MAPK10: variants seen among roughly 807,000 people sequenced by gnomAD.
The protein encoded by MAPK10 is mitogen-activated protein kinase 10.
Under a neutral mutation model 59.3 loss-of-function variants are expected in MAPK10, and 25 were observed. The observed-to-expected ratio is 0.42, with a 90% CI of 0.31 to 0.59. The LOEUF (loss-of-function observed/expected upper bound fraction) is 0.59, where lower values mean the gene tolerates loss of function less well. Ranked by LOEUF, MAPK10 falls within the 20% of genes least tolerant of loss-of-function variation. MAPK10 has a pLI of 0.15. For missense variants in MAPK10, 351 were observed against 568.9 expected (o/e 0.62, Z 3.90); for synonymous variants, 190 against 200.5 (o/e 0.95, Z 0.44).
chr4:86,257,764 T>C (rs1051250406), intron 2 of MAPK10, among the ~76,000 whole-genome samples: 7 of 152,160 alleles, frequency 4.6e-5, no homozygotes, highest in South Asian at 2.1e-4. Context: ...CACATCCTCT[T>C]ATATCAGTTC....
At chr4:86,181,015 GATAA>G (rs2076818620) in intron 3 of MAPK10, among the ~76,000 whole-genome samples, 1 of 151,980 alleles carries the variant, frequency 6.6e-6, no homozygotes, top group Non-Finnish European at 1.5e-5. Flanking sequence ...ACAAAGAAGT[GATAA>G]ATGTTTGAGA....
intron 1 of MAPK10, among the ~76,000 whole-genome samples, chr4:86,516,052 T>A (rs1415301655): frequency 6.6e-6 from 1 of 152,192 alleles, no homozygotes; most frequent in African/African-American, 2.4e-5. Flanking sequence ...TTAAGTTTAT[T>A]TTTGTATAAG....
chr4:86,161,955 T>C (rs1581598277), intron 3 of MAPK10, among the ~76,000 whole-genome samples: 1 of 152,022 alleles, frequency 6.6e-6, no homozygotes, highest in Non-Finnish European at 1.5e-5. Context: ...CAATGTATAT[T>C]CAAATAAACC....
chr4:86,300,986 G>A (rs538438478), intron 2 of MAPK10: 2 of 152,006 alleles, frequency 1.3e-5, no homozygotes, highest in South Asian at 4.2e-4. Flanking sequence ...TGATTCTGAA[G>A]GGTTTTGAGC....
At chr4:86,034,583 T>TA (rs570783912) in intron 11 of MAPK10, among the ~76,000 whole-genome samples, 65 of 152,276 alleles carry the variant, frequency 4.3e-4, no homozygotes, top group African/African-American at 1.5e-3. Context: ...GCAGACTATA[T>TA]AAAAAACTGA....
At chr4:86,171,180 C>A (rs2074008124) in intron 3 of MAPK10, 1 of 151,380 alleles carries the variant, frequency 6.6e-6, no homozygotes, top group African/African-American at 2.4e-5. Context: ...AAAGCAAGAG[C>A]AAACACATTC....
At chr4:86,256,728 TTCTTTC>T (rs369270258) in intron 2 of MAPK10, among the ~76,000 whole-genome samples, 16,950 of 122,200 alleles carry the variant, frequency 0.14, 1,329 homozygotes, top group African/African-American at 0.25. Context: ...TTTCTTTTCT[TTCTTTC>T]TTTTTTTTTT....
intron 1 of MAPK10, among the ~76,000 whole-genome samples, chr4:86,448,909 T>C (rs763406232): frequency 3.9e-5 from 6 of 152,198 alleles, no homozygotes; most frequent in Non-Finnish European, 5.9e-5. Flanking sequence ...TGACAGATCA[T>C]CAGGCATTAG....
At chr4:86,133,028 C>A (rs1296583675) in intron 4 of MAPK10, among the ~76,000 whole-genome samples, 2 of 152,170 alleles carry the variant, frequency 1.3e-5, no homozygotes, top group African/African-American at 4.8e-5. Context: ...CGAAATCGGT[C>A]CCTGGTGCCA....
chr4:86,568,931 C>T (rs1761254947), intron 1 of MAPK10, among the ~76,000 whole-genome samples: 1 of 151,668 alleles, frequency 6.6e-6, no homozygotes, highest in Non-Finnish European at 1.5e-5. Flanking sequence ...ACAACAACAA[C>T]AACAAAATAG....
chr4:86,452,642 G>A (rs143784372), intron 1 of MAPK10, among the ~76,000 whole-genome samples: 3 of 152,238 alleles, frequency 2.0e-5, no homozygotes, highest in Middle Eastern at 6.8e-3. Context: ...GCAAGGGACC[G>A]AGTCAGAGAT....
chr4:86,479,458 G>A (rs1181485270), intron 1 of MAPK10, among the ~76,000 whole-genome samples: 1 of 146,304 alleles, frequency 6.8e-6, no homozygotes, highest in Non-Finnish European at 1.5e-5. Flanking sequence ...AGACCAACTT[G>A]GACTGCACCC....
intron 1 of MAPK10, among the ~76,000 whole-genome samples, chr4:86,487,418 G>T (rs1247335727): frequency 6.6e-6 from 1 of 151,230 alleles, no homozygotes; most frequent in Non-Finnish European, 1.5e-5. Flanking sequence ...TAAAGCAAAG[G>T]TAACAAAGTG....
chr4:86,125,079 ATT>A (rs1249307725), intron 4 of MAPK10: 1 of 151,946 alleles, frequency 6.6e-6, no homozygotes, highest in Non-Finnish European at 1.5e-5. Context: ...TAAAAAGAAT[ATT>A]TTCAATTTAG....
intron 1 of MAPK10, among the ~76,000 whole-genome samples, chr4:86,540,385 A>G (rs1402065104): frequency 6.6e-6 from 1 of 152,138 alleles, no homozygotes; most frequent in Non-Finnish European, 1.5e-5. Context: ...CTGTGGTCCC[A>G]ACTACTCAGG....
At chr4:86,407,886 T>G (rs1200120822) in intron 1 of MAPK10, among the ~76,000 whole-genome samples, 1 of 152,040 alleles carries the variant, frequency 6.6e-6, no homozygotes, top group African/African-American at 2.4e-5. Context: ...TCAGGCCGGG[T>G]GAGCAAAATT....
chr4:86,504,104 C>T (rs1167358158), intron 1 of MAPK10, among the ~76,000 whole-genome samples: 1 of 152,110 alleles, frequency 6.6e-6, no homozygotes, highest in Non-Finnish European at 1.5e-5. Context: ...TAACACTTAA[C>T]ATCATTAGAA....
intron 1 of MAPK10, among the ~76,000 whole-genome samples, chr4:86,579,100 A>G (rs1762088871): frequency 6.6e-6 from 1 of 152,216 alleles, no homozygotes; most frequent in Non-Finnish European, 1.5e-5. Flanking sequence ...GCCAGTGAGA[A>G]TGTATCTTTA....
intron 1 of MAPK10, among the ~76,000 whole-genome samples, chr4:86,573,202 T>C (rs1347848774): frequency 6.6e-6 from 1 of 152,190 alleles, no homozygotes; most frequent in Non-Finnish European, 1.5e-5. Flanking sequence ...CTAAGAAAGC[T>C]TTACTATCAA....
Sources: gnomAD v4.1 joint callset for allele counts (sites outside exome capture counted in the v4.1 genomes callset) on GRCh38, gnomAD v4.1.1 for gene constraint, MANE v1.5 for transcripts, NCBI Gene and HGNC (gene_info 2026-07-23, HGNC 2026-07-21) for gene names.